Variants in CDH12 observed in about 807,000 individuals in gnomAD.
CDH12 encodes cadherin 12.
CDH12 carries 41 observed loss-of-function variants against 74.1 expected under a neutral mutation model. That is an observed-to-expected ratio of 0.55 (90% CI 0.43 to 0.72). The LOEUF is 0.72. Ranked by LOEUF, CDH12 falls within the 30% of genes least tolerant of loss-of-function variation. CDH12 has a pLI of 0.00. For missense variants in CDH12, 945 were observed against 977.2 expected, an observed-to-expected ratio of 0.97 and a Z score of 0.44; for synonymous variants, 399 against 355.0, an observed-to-expected ratio of 1.12 and a Z score of -1.39.
At chr5:22,548,079 G>C (rs1738408487) in intron 1 of CDH12, among the ~76,000 whole-genome samples, 1 of 152,108 alleles carries the variant, frequency 6.6e-6, no homozygotes, top group South Asian at 2.1e-4. Context: ...GACACCTTCT[G>C]CATCTATAAC....
chr5:22,580,577 C>T, intron 1 of CDH12: 1 of 467,396 alleles, frequency 2.1e-6, no homozygotes. Flanking sequence ...CTTGTGCTCA[C>T]TCCATAAACT....
At chr5:22,053,629 A>G (rs1018138713) in intron 5 of CDH12, among the ~76,000 whole-genome samples, 3 of 151,976 alleles carry the variant, frequency 2.0e-5, no homozygotes, top group African/African-American at 7.2e-5. Flanking sequence ...CCATTTTCTT[A>G]TCTTTATCAG....
intron 6 of CDH12, among the ~76,000 whole-genome samples, chr5:21,959,924 C>CAAAA (rs1201352707): frequency 1.0e-4 from 5 of 49,744 alleles, no homozygotes; most frequent in African/African-American, 2.5e-4. Flanking sequence ...GGCTCCATCT[C>CAAAA]AAAAAAAAAA....
chr5:22,689,164 T>G (rs1352868140), intron 1 of CDH12, among the ~76,000 whole-genome samples: 1 of 152,190 alleles, frequency 6.6e-6, no homozygotes, highest in South Asian at 2.1e-4. Context: ...CCAGGATATT[T>G]CAATTACTTG....
intron 1 of CDH12, among the ~76,000 whole-genome samples, chr5:22,756,935 G>A (rs977021568): frequency 2.7e-5 from 4 of 149,762 alleles, no homozygotes; most frequent in African/African-American, 9.9e-5. Flanking sequence ...CTCCAGTCTA[G>A]GCAACAGAGA....
intron 3 of CDH12, among the ~76,000 whole-genome samples, chr5:22,382,604 T>C (rs1427557619): frequency 6.6e-6 from 1 of 152,086 alleles, no homozygotes; most frequent in African/African-American, 2.4e-5. Context: ...ACTTGCTAGC[T>C]GGGTTGATAA....
intron 5 of CDH12, among the ~76,000 whole-genome samples, chr5:21,983,302 G>A (rs1288357715): frequency 3.3e-5 from 5 of 151,948 alleles, no homozygotes; most frequent in Non-Finnish European, 7.4e-5. Context: ...TTATACATTT[G>A]CATCTGAAAT....
At chr5:22,742,104 C>T (rs1218522986) in intron 1 of CDH12, among the ~76,000 whole-genome samples, 3 of 151,802 alleles carry the variant, frequency 2.0e-5, no homozygotes, top group Non-Finnish European at 1.5e-5. Context: ...ATCACTTGAA[C>T]GTGGGAAGTG....
At chr5:21,944,147 T>C (rs1307749466) in intron 6 of CDH12, among the ~76,000 whole-genome samples, 1 of 152,206 alleles carries the variant, frequency 6.6e-6, no homozygotes, top group Non-Finnish European at 1.5e-5. Context: ...AGTGCTTTGA[T>C]TGTATCAGTA....
intron 3 of CDH12, among the ~76,000 whole-genome samples, chr5:22,398,884 G>T (rs1372062595): frequency 6.6e-6 from 1 of 151,972 alleles, no homozygotes; most frequent in Non-Finnish European, 1.5e-5. Flanking sequence ...TCATAATTTT[G>T]GAGTTTCTCT....
rs142807103 is a variant in CDH12, at chr5:21,910,057, C to A, written c.527-55267G>T. Among the ~76,000 whole-genome samples, 7 of 152,218 alleles carry A rather than the reference C, an allele frequency of 4.6e-5. No individual in the cohort carries two copies. The East Asian group carries it at 1.4e-3, about 29-fold the overall frequency. On this transcript the variant is annotated intron_variant, in intron 6 of 14. Coordinates refer to ENST00000382254, the MANE Select transcript of CDH12 (RefSeq NM_004061.5). The stretch of plus-strand genomic sequence containing the variant: ...CCAGTTGAGAAACATCTATGCTTCT[C>A]AACTATTCTACTATCTACAGGAGTT...
At chr5:21,757,409 C>A (rs1744462296) in intron 13 of CDH12, among the ~76,000 whole-genome samples, 1 of 152,148 alleles carries the variant, frequency 6.6e-6, no homozygotes, top group Non-Finnish European at 1.5e-5. Context: ...CTTCTGACCT[C>A]AGGTGATCTG....
At chr5:22,675,905 T>C (rs948039214) in intron 1 of CDH12, among the ~76,000 whole-genome samples, 1 of 45,372 alleles carries the variant, frequency 2.2e-5, no homozygotes, top group African/African-American at 8.1e-5. Context: ...TTATATGCTT[T>C]GGGGATATTG....
intron 6 of CDH12, among the ~76,000 whole-genome samples, chr5:21,970,817 G>GCAAT (rs1440091253): frequency 6.6e-4 from 67 of 100,878 alleles, no homozygotes; most frequent in African/African-American, 2.1e-3. Flanking sequence ...TCCGGCCTGG[G>GCAAT]CAATAGAGCA....
intron 1 of CDH12, among the ~76,000 whole-genome samples, chr5:22,739,275 G>T (rs1359002756): frequency 1.3e-5 from 2 of 151,260 alleles, no homozygotes; most frequent in East Asian, 1.9e-4. Context: ...TGTATATAGT[G>T]AAATAAACAT....
chr5:22,609,163 T>A (rs890670799), intron 1 of CDH12, among the ~76,000 whole-genome samples: 6 of 152,170 alleles, frequency 3.9e-5, no homozygotes, highest in African/African-American at 1.4e-4. Context: ...AAATCGGCTT[T>A]TTTATAATGG....
At position 22,587,847 on chromosome 5, in the gene CDH12, G is replaced by GATATAT. The variant is rs371114068; in HGVS notation, c.-522-82489_-522-82484dup. On this transcript the variant is annotated intron_variant, in intron 1 of 14. Transcript: ENST00000382254. ...TTTTATAGAGAACTTTTTTGGTGGAGATATATATATATATATACATATATA... is the reference window on the plus strand; with the variant it reads ...TTTTATAGAGAACTTTTTTGGTGGAGATATATATATATATATATATATACATATATA... Among the ~76,000 whole-genome samples, 15 of 145,264 alleles carry GATATAT rather than the reference G, an allele frequency of 1.0e-4. No individual in the cohort carries two copies. The East Asian group carries it at 3.0e-3, about 29-fold the overall frequency.
intron 1 of CDH12, among the ~76,000 whole-genome samples, chr5:22,800,026 C>T (rs1238711989): frequency 2.0e-5 from 3 of 152,036 alleles, no homozygotes; most frequent in South Asian, 2.1e-4. Flanking sequence ...AAGGGCATTA[C>T]GTGATAAATG....
At chr5:22,231,894 T>C (rs1752398216) in intron 3 of CDH12, among the ~76,000 whole-genome samples, 2 of 151,960 alleles carry the variant, frequency 1.3e-5, no homozygotes, top group Non-Finnish European at 2.9e-5. Context: ...ATGTATGAAA[T>C]GCAATAAAGA....
Sources: allele counts gnomAD v4.1 joint callset (sites outside exome capture counted in the v4.1 genomes callset), GRCh38; gene constraint gnomAD v4.1.1; transcripts MANE v1.5; gene names NCBI Gene and HGNC (gene_info 2026-07-23, HGNC 2026-07-21).